The following POLN variants were observed in gnomAD, a reference collection of about 807,000 sequenced individuals.
POLN encodes DNA polymerase nu.
POLN carries 108 observed loss-of-function variants against 113.5 expected under a neutral mutation model. The ratio of observed to expected loss-of-function variants is 0.95; its 90% confidence interval spans 0.81 to 1.12. POLN has a LOEUF of 1.12. Ranked by LOEUF, POLN falls within the 50% of genes most tolerant of loss-of-function variation. POLN has a pLI of 0.00. For synonymous variants in POLN, 386 were observed against 391.5 expected (o/e 0.99, Z 0.17); for missense variants, 1,097 against 1,077.1 (o/e 1.02, Z -0.26).
intron 7 of POLN, among the ~76,000 whole-genome samples, chr4:2,184,057 T>A (rs1477379031): frequency 6.6e-6 from 1 of 151,916 alleles, no homozygotes; most frequent in Non-Finnish European, 1.5e-5. Flanking sequence ...TTTCACCATG[T>A]TGGCCAGGCT....
At chr4:2,124,273 T>C (rs1204653002) in intron 19 of POLN, among the ~76,000 whole-genome samples, 5 of 152,064 alleles carry the variant, frequency 3.3e-5, no homozygotes. Flanking sequence ...ATAGTCGTGA[T>C]TGTAACTTTA....
intron 25 of POLN, 90 bp from the exon 26 acceptor site, chr4:2,072,389 G>A (rs948339898): frequency 4.9e-6 from 5 of 1,013,196 alleles, no homozygotes; most frequent in Non-Finnish European, 7.1e-6. Context: ...AGGGCCTACA[G>A]CACACAGGTG....
intron 7 of POLN, among the ~76,000 whole-genome samples, chr4:2,181,857 G>C (rs1265005781): frequency 1.3e-5 from 2 of 152,056 alleles, no homozygotes; most frequent in Non-Finnish European, 2.9e-5. Context: ...AAAATTAGCT[G>C]GGTGTGGTGG....
At chr4:2,210,314 C>T (rs1262450704) in intron 4 of POLN, among the ~76,000 whole-genome samples, 1 of 151,770 alleles carries the variant, frequency 6.6e-6, no homozygotes, top group African/African-American at 2.4e-5. Context: ...CACAGTGGCT[C>T]ATACCTGTAA....
chr4:2,163,219 T>C (rs1007169415), intron 13 of POLN, among the ~76,000 whole-genome samples: 2 of 152,206 alleles, frequency 1.3e-5, no homozygotes, highest in African/African-American at 2.4e-5. Context: ...GTGGGCGGTA[T>C]CTTGCCTCAG....
At chr4:2,219,695 G>A (rs1734208260) in intron 3 of POLN, among the ~76,000 whole-genome samples, 1 of 152,128 alleles carries the variant, frequency 6.6e-6, no homozygotes. Flanking sequence ...GTTACCTGCT[G>A]AGTTTCCCAG....
chr4:2,240,359 C>A lies in POLN; in HGVS notation c.-13+1161G>T, dbSNP rs149074489. On this transcript the variant is annotated intron_variant, in intron 2 of 25. Transcript: ENST00000511885. Reference sequence around the variant, plus strand: ...TTAGGTATTTTTCCAAGGAAAATTGCGATAAAAATACCAGTGGATTTGTCC... The same window carrying A: ...TTAGGTATTTTTCCAAGGAAAATTGAGATAAAAATACCAGTGGATTTGTCC... 10 of 1,602,040 alleles carry A rather than the reference C, an allele frequency of 6.2e-6. No individual in the cohort carries two copies. The African/African-American group carries it at 9.4e-5, about 15-fold the overall frequency.
At chr4:2,203,146 C>A (rs1733757388) in intron 5 of POLN, among the ~76,000 whole-genome samples, 1 of 152,136 alleles carries the variant, frequency 6.6e-6, no homozygotes, top group African/African-American at 2.4e-5. Flanking sequence ...TTATATTAAG[C>A]ACTCTCTCAG....
chr4:2,096,162 C>T (rs1730785414), intron 19 of POLN, among the ~76,000 whole-genome samples: 1 of 152,236 alleles, frequency 6.6e-6, no homozygotes, highest in Non-Finnish European at 1.5e-5. Flanking sequence ...AGCCAAGCAC[C>T]ACCCCACGTT....
intron 3 of POLN, among the ~76,000 whole-genome samples, chr4:2,213,778 C>A (rs185807964): frequency 3.2e-3 from 493 of 152,148 alleles, no homozygotes; most frequent in Non-Finnish European, 5.2e-3. Context: ...AATGTAAAAT[C>A]TTATTAAATG....
At chr4:2,207,645 C>T (rs781729010) in intron 5 of POLN, among the ~76,000 whole-genome samples, 2 of 152,034 alleles carry the variant, frequency 1.3e-5, no homozygotes, top group Non-Finnish European at 2.9e-5. Context: ...CTCAATGTCA[C>T]TAGATAATAG....
chr4:2,096,911 T>A (rs915384958), intron 19 of POLN, among the ~76,000 whole-genome samples: 1 of 152,142 alleles, frequency 6.6e-6, no homozygotes, highest in African/African-American at 2.4e-5. Flanking sequence ...TCTTCTTAGA[T>A]CTTTTCTGAG....
chr4:2,214,238 G>GA lies in POLN; in HGVS notation c.134-1113dup, dbSNP rs934593338. ...GTTACAGGGCAAGACTCTGTCCTGG[G>GA]AAAAAAAAAAGTAAGCTTAAAAAAG... On this transcript the variant is annotated intron_variant, in intron 3 of 25. Transcript: ENST00000511885. 1.5e-4 allele frequency among the ~76,000 whole-genome samples: 22 copies of GA among 146,778 alleles called. No individual in the cohort carries two copies. In the East Asian group the frequency reaches 2.0e-3, roughly 13 times the overall value.
At chr4:2,228,632 G>A (rs757806793) in intron 3 of POLN, 2 of 168,154 alleles carry the variant, frequency 1.2e-5, no homozygotes, top group Admixed American at 6.2e-5. Flanking sequence ...CACCGCACCC[G>A]GCCCCACTGC....
chr4:2,156,386 T>C (rs1366768674), intron 16 of POLN: 3 of 439,732 alleles, frequency 6.8e-6, no homozygotes, highest in Admixed American at 2.8e-5. Flanking sequence ...TTTTTTTTTT[T>C]TTTTCTTCAT....
intron 2 of POLN, chr4:2,230,282 T>TA (rs1734534964): frequency 6.6e-6 from 1 of 152,172 alleles, no homozygotes; most frequent in Non-Finnish European, 1.5e-5. Context: ...GTGACACAGT[T>TA]AGACTCTGTC....
chr4:2,191,654 A>C (rs1733443471), intron 7 of POLN, among the ~76,000 whole-genome samples: 1 of 152,198 alleles, frequency 6.6e-6, no homozygotes. Context: ...AGGAAAAAAA[A>C]GAATAAAAGA....
chr4:2,210,646 G>T, intron 4 of POLN, among the ~76,000 whole-genome samples: 1 of 147,698 alleles, frequency 6.8e-6, no homozygotes, highest in African/African-American at 2.5e-5. Context: ...AAAGAGGCCG[G>T]GCATGGTGGC....
At chr4:2,220,032 G>A (rs1734217072) in intron 3 of POLN, among the ~76,000 whole-genome samples, 1 of 152,126 alleles carries the variant, frequency 6.6e-6, no homozygotes, top group Non-Finnish European at 1.5e-5. Flanking sequence ...GTTAGGTCCT[G>A]CAGTTCCTTT....
Sources: gnomAD v4.1 joint callset for allele counts (sites outside exome capture counted in the v4.1 genomes callset) on GRCh38, gnomAD v4.1.1 for gene constraint, MANE v1.5 for transcripts, NCBI Gene and HGNC (gene_info 2026-07-23, HGNC 2026-07-21) for gene names.